The following IFT57 variants were observed in gnomAD, a reference collection of about 807,000 sequenced individuals.
IFT57 encodes the protein intraflagellar transport 57.
A neutral mutation model predicts 56.8 loss-of-function variants in IFT57; 59 were observed. The ratio of observed to expected loss-of-function variants is 1.04; its 90% CI spans 0.84 to 1.29. IFT57 has a LOEUF of 1.29. Ranked by LOEUF, IFT57 falls within the 50% of genes most tolerant of loss-of-function variation. The pLI, the probability that IFT57 is intolerant of heterozygous loss-of-function variation, is 0.00. For missense variants in IFT57, 470 were observed against 522.1 expected (o/e 0.90, Z 0.97); for synonymous variants, 209 against 186.1 (o/e 1.12, Z -1.00).
chr3:108,198,306 C>T (rs1242670571), intron 5 of IFT57, among the ~76,000 whole-genome samples: 1 of 152,162 alleles, frequency 6.6e-6, no homozygotes, highest in African/African-American at 2.4e-5. Context: ...ACTCTGCTTT[C>T]TTGTAATATA....
chr3:108,212,936 C>G (rs1160789771), intron 4 of IFT57, among the ~76,000 whole-genome samples: 1 of 152,074 alleles, frequency 6.6e-6, no homozygotes, highest in African/African-American at 2.4e-5. Flanking sequence ...TTCTGCCACC[C>G]CTGAGACAAC....
chr3:108,166,425 A>T (rs971138582), intron 8 of IFT57, among the ~76,000 whole-genome samples: 1 of 152,014 alleles, frequency 6.6e-6, no homozygotes. Context: ...TCTTGCTTTC[A>T]CATTCCTTAT....
intron 1 of IFT57, 133 bp downstream of exon 1, chr3:108,221,978 C>T: frequency 2.0e-6 from 3 of 1,472,526 alleles, no homozygotes; most frequent in South Asian, 2.8e-5. Context: ...GGTGAAGTGC[C>T]CTTCCCTGGC....
At chr3:108,169,377 G>A (rs1487889046) in intron 6 of IFT57, among the ~76,000 whole-genome samples, 1 of 151,482 alleles carries the variant, frequency 6.6e-6, no homozygotes. Context: ...TTTAGATTCT[G>A]GATACTAGAC....
At chr3:108,201,617 A>G (rs1037584451) in intron 5 of IFT57, among the ~76,000 whole-genome samples, 9 of 152,218 alleles carry the variant, frequency 5.9e-5, no homozygotes, top group Non-Finnish European at 1.0e-4. Flanking sequence ...TGTTTTAGGA[A>G]AGCAGAGGAA....
chr3:108,189,749 G>A (rs886419301), intron 6 of IFT57, among the ~76,000 whole-genome samples: 1 of 151,522 alleles, frequency 6.6e-6, no homozygotes, highest in Non-Finnish European at 1.5e-5. Flanking sequence ...ATCACTTTGT[G>A]CAGTAGTTTT....
chr3:108,213,894 AGGTGAAAATGAAC>A, intron 4 of IFT57, 24 bp downstream of exon 4: 1 of 1,240,090 alleles, frequency 8.1e-7, no homozygotes, highest in Non-Finnish European at 1.2e-6. Context: ...AGTGGCCGAA[AGGTGAAAATGAAC>A]AGAAAGTTCA....
chr3:108,164,868 G>GT (rs1478051788), intron 9 of IFT57, among the ~76,000 whole-genome samples: 2 of 151,794 alleles, frequency 1.3e-5, no homozygotes, highest in African/African-American at 4.8e-5. Flanking sequence ...TTTTTTCAAG[G>GT]TTTTTTCCTC....
At chr3:108,204,957 G>A (rs895812345) in intron 5 of IFT57, among the ~76,000 whole-genome samples, 2 of 152,102 alleles carry the variant, frequency 1.3e-5, no homozygotes, top group Non-Finnish European at 2.9e-5. Context: ...ACTACAAAAC[G>A]ATCTGCAAAT....
intron 5 of IFT57, among the ~76,000 whole-genome samples, chr3:108,195,551 C>T (rs189909703): frequency 8.0e-4 from 122 of 152,032 alleles, no homozygotes; most frequent in African/African-American, 2.7e-3. Context: ...CCACAATAGC[C>T]GAGATAGGGA....
chr3:108,203,082 C>A (rs1342323655), intron 5 of IFT57, among the ~76,000 whole-genome samples: 1 of 152,202 alleles, frequency 6.6e-6, no homozygotes, highest in African/African-American at 2.4e-5. Flanking sequence ...AGAATGTGGC[C>A]AGCAGACAGT....
At chr3:108,204,404 G>A (rs62267880) in intron 5 of IFT57, among the ~76,000 whole-genome samples, 12,143 of 152,188 alleles carry the variant, frequency 0.08, 587 homozygotes, top group Middle Eastern at 0.11. Flanking sequence ...TGTAGTTTGC[G>A]ATGAAAAATT....
intron 4 of IFT57, among the ~76,000 whole-genome samples, chr3:108,207,504 C>T (rs1187210328): frequency 1.3e-5 from 2 of 152,018 alleles, no homozygotes; most frequent in Admixed American, 1.3e-4. Context: ...GATAATAAAG[C>T]CAATGGAACT....
At chr3:108,177,035 C>T (rs964545842) in intron 6 of IFT57, among the ~76,000 whole-genome samples, 8 of 151,668 alleles carry the variant, frequency 5.3e-5, no homozygotes, top group African/African-American at 1.9e-4. Flanking sequence ...GTTGCAATGA[C>T]CACTATATTA....
Position 108,191,541 on chromosome 3 carries a change from T to C in IFT57, c.757A>G (p.Thr253Ala). 6.2e-7 allele frequency: 1 copy of C among 1,606,368 alleles called. No homozygotes were observed. The highest frequency in any genetic ancestry group is 8.5e-7 in the Non-Finnish European group (1 of 1,176,226). The change falls in exon 6 of 11, where the codon ACG becomes GCG. Residue 253 changes from threonine to alanine, a missense_variant. Transcript: ENST00000264538. ...GATACCTTATTGTCAGTCCTAATCG[T>C]GACTTTCAGTTGCGGTAGTACACGT... ...VERVLPQLKVTIRTDNKDWRI... is the reference protein window; with the variant it reads ...VERVLPQLKVAIRTDNKDWRI...
Position 108,167,001 on chromosome 3 carries a change from A to C in IFT57, c.850-16T>G, listed in dbSNP as rs371387841. 6.9e-5 allele frequency: 111 copies of C among 1,601,562 alleles called. No homozygotes were observed. Among genetic ancestry groups the C allele is most frequent in the Non-Finnish European group, 9.4e-5 (110 of 1,174,086 alleles). On this transcript the variant is annotated splice_polypyrimidine_tract_variant and intron_variant, in intron 7 of 10. Coordinates refer to ENST00000264538, the MANE Select transcript of IFT57 (RefSeq NM_018010.4). ...CCAAAAATCCCTAGAAATTCCATGG[A>C]ATTTGCAGATAGAAGAACTCACAAA...
At chr3:108,220,659 G>A (rs1353632927) in intron 1 of IFT57, among the ~76,000 whole-genome samples, 3 of 152,218 alleles carry the variant, frequency 2.0e-5, no homozygotes, top group African/African-American at 7.2e-5. Flanking sequence ...ACCTAGGACA[G>A]TGGTTCCCAA....
intron 4 of IFT57, among the ~76,000 whole-genome samples, chr3:108,210,458 C>T (rs573744437): frequency 2.6e-5 from 4 of 151,638 alleles, no homozygotes; most frequent in South Asian, 4.2e-4. Context: ...CTCAGTCTCC[C>T]GAGTAGCTGG....
chr3:108,214,824 T>C (rs2108327607), intron 3 of IFT57, among the ~76,000 whole-genome samples: 1 of 152,260 alleles, frequency 6.6e-6, no homozygotes, highest in African/African-American at 2.4e-5. Context: ...TTGCCTAACC[T>C]CTCAAAAATT....
Sources: gnomAD v4.1 joint callset for allele counts (sites outside exome capture counted in the v4.1 genomes callset) on GRCh38, gnomAD v4.1.1 for gene constraint, MANE v1.5 for transcripts, NCBI Gene and HGNC (gene_info 2026-07-23, HGNC 2026-07-21) for gene names.